TEK: variants seen among roughly 807,000 people sequenced by gnomAD.
TEK encodes TEK receptor tyrosine kinase, also known as angiopoietin-1 receptor.
Under a neutral mutation model 131.8 loss-of-function variants are expected in TEK, and 43 were observed. That is an observed-to-expected ratio of 0.33 (90% CI 0.26 to 0.42). The LOEUF (loss-of-function observed/expected upper bound fraction) is 0.42. TEK is among the 10% of genes least tolerant of loss of function. The pLI, the probability that TEK is intolerant of heterozygous loss-of-function variation, is 1.00. For missense variants in TEK, 1,162 were observed against 1,384.4 expected, an observed-to-expected ratio of 0.84 and a Z score of 2.55; for synonymous variants, 580 against 491.6, an observed-to-expected ratio of 1.18 and a Z score of -2.38.
rs530484480 is a variant in TEK at position 27,155,952 on chromosome 9, A to G, written c.53-1879A>G. Among the ~76,000 whole-genome samples the G allele has an allele frequency of 2.1e-3, 322 of 151,322 alleles. 1 individual carries two copies. The highest frequency in any genetic ancestry group is 6.8e-3 in the African/African-American group (279 of 41,206). ...CGAGTAGCTGGGATTACAGGCACCC[A>G]CCACCACACCCAGCTAATTTTTGTA... On this transcript the variant is annotated intron_variant, in intron 1 of 22. Transcript: ENST00000380036.
At chr9:27,210,334 G>GAGGGTGTCACCCGTCTTCCTCC in intron 16 of TEK, 1 of 154,774 alleles carries the variant, frequency 6.5e-6, no homozygotes, top group Admixed American at 6.5e-5. Flanking sequence ...AACATGGTGA[G>GAGGGTGTCACCCGTCTTCCTCC]TGTTCTTAAA....
chr9:27,214,055 A>G (rs1335489548), intron 18 of TEK, among the ~76,000 whole-genome samples: 1 of 152,248 alleles, frequency 6.6e-6, no homozygotes, highest in African/African-American at 2.4e-5. Flanking sequence ...AGGCTCATCT[A>G]AGATTTCTCT....
At chr9:27,184,007 C>T (rs1824499907) in intron 8 of TEK, among the ~76,000 whole-genome samples, 1 of 152,152 alleles carries the variant, frequency 6.6e-6, no homozygotes, top group Non-Finnish European at 1.5e-5. Flanking sequence ...CATGAATCAG[C>T]AGATTTACGT....
chr9:27,215,066 A>T (rs867505468), intron 18 of TEK, among the ~76,000 whole-genome samples: 1 of 152,156 alleles, frequency 6.6e-6, no homozygotes, highest in African/African-American at 2.4e-5. Flanking sequence ...GGATGTGGGT[A>T]CCCTGGGTGA....
chr9:27,221,006 G>T (rs1419583802), intron 21 of TEK, among the ~76,000 whole-genome samples: 1 of 152,218 alleles, frequency 6.6e-6, no homozygotes, highest in Admixed American at 6.5e-5. Context: ...ATCAAGCTAA[G>T]ATCCACTGGC....
At chr9:27,201,146 C>T (rs1489317651) in intron 12 of TEK, among the ~76,000 whole-genome samples, 5 of 152,120 alleles carry the variant, frequency 3.3e-5, no homozygotes, top group Non-Finnish European at 5.9e-5. Flanking sequence ...ACCCAGAGAA[C>T]CTGCTAAAAT....
At chr9:27,161,689 G>C (rs994110367) in intron 2 of TEK, among the ~76,000 whole-genome samples, 1 of 152,174 alleles carries the variant, frequency 6.6e-6, no homozygotes, top group Non-Finnish European at 1.5e-5. Flanking sequence ...GCAACCCAGG[G>C]CACAGAGTAG....
intron 7 of TEK, among the ~76,000 whole-genome samples, chr9:27,183,099 AAG>A (rs1824452112): frequency 6.6e-6 from 1 of 152,188 alleles, no homozygotes; most frequent in Non-Finnish European, 1.5e-5. Flanking sequence ...TTCATGTAAA[AAG>A]AAAGAGGGGG....
At chr9:27,169,707 C>T in intron 4 of TEK, 78 bp downstream of exon 4, 2 of 1,596,216 alleles carry the variant, frequency 1.3e-6, no homozygotes, top group Non-Finnish European at 1.7e-6. Flanking sequence ...ATAACAGAAA[C>T]TAACCATGGC....
rs941983896 is a variant in TEK at position 27,190,660 on chromosome 9, A to T, written c.1459A>T (p.Asn487Tyr). The part of the protein sequence containing the change: ...KSKKLLYKPV[N>Y]HYEAWQHIQV... ...CAAGAAGCTTCTATACAAACCCGTT[A>T]ATCACTATGAGGCTTGGCAACATAT... Residue 487 changes from asparagine to tyrosine, a missense_variant, in exon 10 of 23, where the codon AAT (asparagine) becomes TAT (tyrosine). Asn to Tyr is a moderately radical substitution (Grantham distance 143). Transcript: ENST00000380036. 9.3e-6 allele frequency: 15 copies of T among 1,613,866 alleles called. No individual in the cohort carries two copies. Among genetic ancestry groups the T allele is most frequent in the Admixed American group, 5.0e-5 (3 of 59,996 alleles).
Position 27,190,558 on chromosome 9 carries a change from G to T in TEK, c.1357G>T (p.Val453Leu). The T allele has an allele frequency of 1.9e-6, 3 of 1,613,966 alleles. No individual in the cohort carries two copies. The highest frequency in any genetic ancestry group is 2.5e-6 in the Non-Finnish European group (3 of 1,179,898). The change falls in exon 10 of 23, where the codon GTG becomes TTG. Residue 453 changes from valine to leucine, a missense_variant. Around this residue, in one of 6 missense-constraint regions of TEK, gnomAD observed 477 missense variants for 471.0 expected, o/e 1.01. Coordinates refer to ENST00000380036, the MANE Select transcript of TEK (RefSeq NM_000459.5). ...TCCAAAGCCCCTGAATGCCCCAAAC[G>T]TGATTGACACTGGACATAACTTTGC... ...VLPKPLNAPN[V>L]IDTGHNFAVI... is the part of the protein sequence containing the mutation.
At chr9:27,127,116 A>G (rs1822016797) in intron 1 of TEK, among the ~76,000 whole-genome samples, 1 of 152,092 alleles carries the variant, frequency 6.6e-6, no homozygotes, top group Non-Finnish European at 1.5e-5. Context: ...TCCTAATGCT[A>G]TCCCTCCCTC....
chr9:27,140,396 G>GAAAAA (rs59569720), intron 1 of TEK, among the ~76,000 whole-genome samples: 2 of 113,364 alleles, frequency 1.8e-5, no homozygotes, highest in Non-Finnish European at 3.8e-5. Flanking sequence ...TAGCAAAAAA[G>GAAAAA]AAAAAAAAAA....
chr9:27,167,475 A>G (rs1823775957), intron 2 of TEK, among the ~76,000 whole-genome samples: 2 of 152,134 alleles, frequency 1.3e-5, no homozygotes, highest in Non-Finnish European at 2.9e-5. Context: ...TGATCTGTCT[A>G]CGGTGGCATC....
chr9:27,193,788 T>C (rs1033848087), intron 11 of TEK, among the ~76,000 whole-genome samples: 4 of 152,176 alleles, frequency 2.6e-5, no homozygotes, highest in African/African-American at 9.7e-5. Context: ...TGCATCACCA[T>C]ACTAAATCTT....
At chr9:27,227,024 G>T (rs565321383) in intron 21 of TEK, among the ~76,000 whole-genome samples, 152 of 152,152 alleles carry the variant, frequency 1.0e-3, no homozygotes, top group Non-Finnish European at 1.9e-3. Flanking sequence ...TCACTAGACA[G>T]TCCCTAAAAT....
chr9:27,138,228 G>A lies in TEK; in HGVS notation c.53-19603G>A, dbSNP rs148988697. Among the ~76,000 whole-genome samples, 359 of 152,308 alleles carry A rather than the reference G, an allele frequency of 2.4e-3. 2 individuals carry two copies. Among genetic ancestry groups the A allele is most frequent in the African/African-American group, 8.0e-3 (331 of 41,576 alleles). On this transcript the variant is annotated intron_variant, in intron 1 of 22. Transcript: ENST00000380036. ...ACAAAGATTCCACAGTGTGGAAGGGGATCTGAGCGGGTTGCCGCTGCTGGC... is the reference window on the plus strand; with the variant it reads ...ACAAAGATTCCACAGTGTGGAAGGGAATCTGAGCGGGTTGCCGCTGCTGGC...
chr9:27,147,787 T>C (rs1022419410), intron 1 of TEK, among the ~76,000 whole-genome samples: 1 of 152,234 alleles, frequency 6.6e-6, no homozygotes, highest in Non-Finnish European at 1.5e-5. Flanking sequence ...GGCTCTTTTT[T>C]TGCATATTGA....
rs143848690 is a variant in TEK, at chr9:27,224,596, G to T, written c.3201-3610G>T. Among the ~76,000 whole-genome samples, 225 of 152,276 alleles carry T rather than the reference G, an allele frequency of 1.5e-3. No homozygotes were observed. In the East Asian group the frequency reaches 0.024, roughly 16 times the overall value. The stretch of plus-strand genomic sequence containing the variant: ...CACGCTCAGTAAACTAGGTATTGAT[G>T]GAACGTATCTCAAAATATTAAGAGC... On this transcript the variant is annotated intron_variant, in intron 21 of 22. Coordinates refer to ENST00000380036, the MANE Select transcript of TEK (RefSeq NM_000459.5).
Sources: allele counts gnomAD v4.1 joint callset (sites outside exome capture counted in the v4.1 genomes callset), GRCh38; gene constraint gnomAD v4.1.1; regional missense constraint gnomAD v4.1.1; transcripts MANE v1.5; gene names NCBI Gene and HGNC (gene_info 2026-07-23, HGNC 2026-07-21).